KIF26B: variants seen among roughly 807,000 people sequenced by gnomAD.
KIF26B encodes kinesin family member 26B, also known as kinesin-like protein KIF26B.
KIF26B carries 63 observed loss-of-function variants against 151.2 expected under a neutral mutation model. That is an observed-to-expected ratio of 0.42 (90% CI 0.34 to 0.51). The LOEUF is 0.51. KIF26B is among the 20% of genes least tolerant of loss of function. The pLI is 0.07. For missense variants in KIF26B, 2,813 were observed against 2,913.6 expected, an observed-to-expected ratio of 0.97 and a Z score of 0.79; for synonymous variants, 1,357 against 1,262.1, an observed-to-expected ratio of 1.08 and a Z score of -1.59.
chr1:245,514,511 G>A (rs578092853), intron 4 of KIF26B, among the ~76,000 whole-genome samples: 1 of 152,084 alleles, frequency 6.6e-6, no homozygotes, highest in Admixed American at 6.5e-5. Flanking sequence ...CTGGGCGACA[G>A]AGTAAGTGAG....
chr1:245,362,184 G>A (rs1672836299), intron 2 of KIF26B, among the ~76,000 whole-genome samples: 1 of 151,272 alleles, frequency 6.6e-6, no homozygotes, highest in Non-Finnish European at 1.5e-5. Context: ...AGCACAGGCG[G>A]ATCAGGAGAT....
At chr1:245,497,385 G>A (rs1475475490) in intron 4 of KIF26B, among the ~76,000 whole-genome samples, 4 of 152,078 alleles carry the variant, frequency 2.6e-5, no homozygotes, top group African/African-American at 7.2e-5. Flanking sequence ...TTGACCATAT[G>A]TTGGCTCATA....
chr1:245,245,212 C>T (rs1370118185), intron 2 of KIF26B, among the ~76,000 whole-genome samples: 3 of 152,160 alleles, frequency 2.0e-5, no homozygotes, highest in East Asian at 1.9e-4. Flanking sequence ...TCTGTCTGAG[C>T]GATCTGGCCT....
At chr1:245,430,531 G>A (rs1658752035) in intron 4 of KIF26B, among the ~76,000 whole-genome samples, 1 of 152,128 alleles carries the variant, frequency 6.6e-6, no homozygotes, top group African/African-American at 2.4e-5. Flanking sequence ...ACCAAGTGCA[G>A]TGGCACATAC....
intron 2 of KIF26B, among the ~76,000 whole-genome samples, chr1:245,285,730 C>T (rs1383808193): frequency 3.3e-5 from 5 of 150,906 alleles, no homozygotes; most frequent in Non-Finnish European, 1.5e-5. Flanking sequence ...ATCACTTGAG[C>T]CCAGGAGTTT....
intron 3 of KIF26B, among the ~76,000 whole-genome samples, chr1:245,384,211 G>C (rs1558145370): frequency 2.0e-5 from 3 of 151,646 alleles, no homozygotes; most frequent in South Asian, 4.1e-4. Context: ...CAAGTCCACT[G>C]TCTCTCCACA....
intron 9 of KIF26B, among the ~76,000 whole-genome samples, chr1:245,615,611 G>A (rs2043580247): frequency 6.6e-6 from 1 of 152,250 alleles, no homozygotes; most frequent in African/African-American, 2.4e-5. Flanking sequence ...AGTTGTGAAA[G>A]AGAATTGCTT....
intron 4 of KIF26B, among the ~76,000 whole-genome samples, chr1:245,475,954 C>A (rs1660029425): frequency 6.6e-6 from 1 of 151,826 alleles, no homozygotes. Flanking sequence ...AACATTAGTA[C>A]ACGAATGTTC....
intron 10 of KIF26B, among the ~76,000 whole-genome samples, chr1:245,652,622 CCA>C (rs2044032149): frequency 6.6e-6 from 1 of 152,164 alleles, no homozygotes; most frequent in South Asian, 2.1e-4. Flanking sequence ...TAGAACCACG[CCA>C]GTCACTCAGG....
At chr1:245,648,958 C>T (rs993296758) in intron 10 of KIF26B, among the ~76,000 whole-genome samples, 2 of 152,296 alleles carry the variant, frequency 1.3e-5, no homozygotes, top group Non-Finnish European at 2.9e-5. Flanking sequence ...CACCAGCTGC[C>T]CTTGCCCTGC....
In KIF26B at chr1:245,688,231, G is replaced by A. The variant is rs1271723550; in HGVS notation, c.5248G>A (p.Ala1750Thr). Residue 1750 changes from alanine to threonine, a missense_variant, in exon 12 of 15, where the codon GCC becomes ACC. Ala to Thr is a moderately conservative substitution (Grantham distance 58, BLOSUM62 0). Transcript: ENST00000407071. Reference sequence around the variant, plus strand: ...CAGCCCCAGAGCGCGCGGCCCGTCCGCCTCCACCACCAAAACCCTCAGCTT... The same window carrying A: ...CAGCCCCAGAGCGCGCGGCCCGTCCACCTCCACCACCAAAACCCTCAGCTT... The part of the protein sequence containing the change: ...LASPRARGPS[A>T]STTKTLSFST... 3 of 1,588,030 alleles carry A rather than the reference G, an allele frequency of 1.9e-6. No homozygotes were observed. The highest frequency in any genetic ancestry group is 2.6e-6 in the Non-Finnish European group (3 of 1,172,122).
chr1:245,519,707 C>A (rs1009382697), intron 4 of KIF26B, among the ~76,000 whole-genome samples: 1 of 152,132 alleles, frequency 6.6e-6, no homozygotes, highest in East Asian at 1.9e-4. Context: ...CTCCTACACA[C>A]CTAGGCTAGA....
At position 245,177,665 on chromosome 1, in the gene KIF26B, GGT is replaced by G. The variant is rs111597803; in HGVS notation, c.465+21011_465+21012del. ...GGTTTTGATTTTACTTGTCCTTAGG[GGT>G]GTGTGTGTGTGTGTGTGTGTGTGTG... On this transcript the variant is annotated intron_variant, in intron 2 of 14. Coordinates refer to ENST00000407071, the MANE Select transcript of KIF26B (RefSeq NM_018012.4). Among the ~76,000 whole-genome samples the G allele has an allele frequency of 5.8e-3, 858 of 148,740 alleles. 9 individuals carry two copies. The highest frequency in any genetic ancestry group is 0.01 in the Middle Eastern group (3 of 290).
chr1:245,630,317 G>A (rs1285973285), intron 9 of KIF26B, among the ~76,000 whole-genome samples: 2 of 152,128 alleles, frequency 1.3e-5, no homozygotes, highest in East Asian at 3.9e-4. Flanking sequence ...CAATAGCAGA[G>A]ACATGGAACC....
At chr1:245,369,010 C>T (rs570714681) in intron 3 of KIF26B, among the ~76,000 whole-genome samples, 38 of 152,112 alleles carry the variant, frequency 2.5e-4, no homozygotes, top group African/African-American at 8.2e-4. Flanking sequence ...TGGTGGCATG[C>T]GCCTGTAGTG....
chr1:245,658,574 T>G (rs6428943), intron 10 of KIF26B, among the ~76,000 whole-genome samples: 93,467 of 151,742 alleles, frequency 0.62, 29,415 homozygotes, highest in African/African-American at 0.73. Context: ...ATATTTTTTG[T>G]AGAGACGGGG....
At chr1:245,487,218 T>C (rs985962916) in intron 4 of KIF26B, among the ~76,000 whole-genome samples, 1 of 152,218 alleles carries the variant, frequency 6.6e-6, no homozygotes, top group Non-Finnish European at 1.5e-5. Flanking sequence ...CTTTTGCATC[T>C]GAATTTGCAG....
At chr1:245,647,037 A>G (rs1244857624) in intron 10 of KIF26B, among the ~76,000 whole-genome samples, 3 of 152,220 alleles carry the variant, frequency 2.0e-5, no homozygotes, top group Admixed American at 2.0e-4. Flanking sequence ...GCCTCTTACT[A>G]GCTGCATGAA....
chr1:245,336,324 A>G (rs1259936084), intron 2 of KIF26B, among the ~76,000 whole-genome samples: 3 of 152,204 alleles, frequency 2.0e-5, no homozygotes, highest in Non-Finnish European at 4.4e-5. Flanking sequence ...TGAGTGGGCC[A>G]TCAGAAAAAG....
Sources: gnomAD v4.1 joint callset for allele counts (sites outside exome capture counted in the v4.1 genomes callset) on GRCh38, gnomAD v4.1.1 for gene constraint, MANE v1.5 for transcripts, NCBI Gene and HGNC (gene_info 2026-07-23, HGNC 2026-07-21) for gene names.